Variants in SNX25 observed in about 807,000 individuals in gnomAD.
SNX25 encodes sorting nexin 25, also known as sorting nexin-25.
A neutral mutation model predicts 113.7 loss-of-function variants in SNX25; 62 were observed. The observed-to-expected ratio is 0.55, with a 90% CI of 0.44 to 0.67. The LOEUF (loss-of-function observed/expected upper bound fraction) is 0.67, where lower values mean the gene tolerates loss of function less well. Ranked by LOEUF, SNX25 falls within the 30% of genes least tolerant of loss-of-function variation. SNX25 has a pLI of 0.00. For missense variants in SNX25, 1,014 were observed against 1,161.0 expected (o/e 0.87, Z 1.84); for synonymous variants, 421 against 436.2 (o/e 0.97, Z 0.43).
chr4:185,353,618 A>G lies in SNX25; in HGVS notation c.2584+16A>G. The G allele has an allele frequency of 6.3e-7, 1 of 1,585,608 alleles. No individual in the cohort carries two copies. The highest frequency in any genetic ancestry group is 8.7e-7 in the Non-Finnish European group (1 of 1,154,044). ...CTTCGAGGAAGTAAGCTTCTTTGTTATTATTTAGTGGTATTTGCTAGTTAA... is the reference window on the plus strand; with the variant it reads ...CTTCGAGGAAGTAAGCTTCTTTGTTGTTATTTAGTGGTATTTGCTAGTTAA... On this transcript the variant is annotated intron_variant, in intron 15 of 18. Transcript: ENST00000652585.
At chr4:185,370,299 C>T (rs1016129005), downstream of SNX25, 3 of 184,790 alleles carry the variant, frequency 1.6e-5, no homozygotes, top group East Asian at 3.8e-4. Context: ...AACTTCATTA[C>T]TGTACTAGAA....
chr4:185,366,941 C>T, downstream of SNX25: 1 of 400,714 alleles, frequency 2.5e-6, no homozygotes. Flanking sequence ...ATGGTCTCGG[C>T]CAGTCTGTAG....
chr4:185,226,669 T>G (rs1741048023), intron 1 of SNX25, among the ~76,000 whole-genome samples: 2 of 152,194 alleles, frequency 1.3e-5, no homozygotes, highest in South Asian at 4.1e-4. Context: ...CGGGCTGGTC[T>G]TGAACTCCTG....
rs1194377174 is a variant in SNX25 at position 185,351,745 on chromosome 4, T to C, written c.2466+136T>C. 1.1e-5 allele frequency: 10 copies of C among 912,834 alleles called. No homozygotes were observed. The East Asian group carries it at 2.1e-4, about 19-fold the overall frequency. The allele number at this position is 912,834 out of a possible 1,614,324, so 56.5% of individuals were successfully genotyped here. On this transcript the variant is annotated intron_variant, in intron 14 of 18. Coordinates refer to ENST00000652585, the MANE Select transcript of SNX25 (RefSeq NM_001378034.2). ...ACATTTTGAGGCACCTGCTTGTATT[T>C]CTGTATCTTAATTCTTCCAAGTGAC...
At chr4:185,215,806 T>G (rs77257485) in intron 1 of SNX25, among the ~76,000 whole-genome samples, 1 of 152,038 alleles carries the variant, frequency 6.6e-6, no homozygotes, top group African/African-American at 2.4e-5. Context: ...TTTTTTTTTT[T>G]TGATACAGGA....
At chr4:185,222,208 C>T (rs72706099) in intron 1 of SNX25, among the ~76,000 whole-genome samples, 19,078 of 150,818 alleles carry the variant, frequency 0.13, 1,339 homozygotes, top group African/African-American at 0.16. Flanking sequence ...TATAACCCTC[C>T]TTCATGGCAG....
intron 6 of SNX25, among the ~76,000 whole-genome samples, chr4:185,295,200 A>T (rs1165837497): frequency 1.3e-5 from 2 of 152,200 alleles, no homozygotes; most frequent in Non-Finnish European, 1.5e-5. Flanking sequence ...TGATCTAGTG[A>T]AAATCAGACA....
Position 185,363,555 on chromosome 4 carries a change from C to T in SNX25, c.*90C>T, listed in dbSNP as rs1268671351. On this transcript the variant is annotated 3_prime_UTR_variant, in exon 19 of 19. Transcript: ENST00000652585. This position sits in a 1 kb window ranked among gnomAD's most constrained non-coding sequence, Gnocchi z 4.2. ...TTCCACAGAGGGCTTAACTGAGAACCGTATTGATTTTTATTTTAGTTACCT... is the reference window on the plus strand; with the variant it reads ...TTCCACAGAGGGCTTAACTGAGAACTGTATTGATTTTTATTTTAGTTACCT... The T allele has an allele frequency of 1.1e-5, 14 of 1,222,274 alleles. No individual in the cohort carries two copies. The highest frequency in any genetic ancestry group is 1.9e-5 in the Admixed American group (1 of 52,012). The allele number at this position is 1,222,274 out of a possible 1,614,324, so 75.7% of individuals were successfully genotyped here. A position where few individuals can be genotyped will look rare whatever the true frequency, so the allele number is the denominator to read the frequency against.
intron 2 of SNX25, among the ~76,000 whole-genome samples, chr4:185,254,935 T>C (rs1746191434): frequency 6.6e-6 from 1 of 152,160 alleles, no homozygotes; most frequent in African/African-American, 2.4e-5. Flanking sequence ...TATTTCTTTT[T>C]TTTTTCTTTA....
chr4:185,290,804 T>G (rs1752061850), intron 6 of SNX25, among the ~76,000 whole-genome samples: 1 of 150,372 alleles, frequency 6.7e-6, no homozygotes, highest in African/African-American at 2.5e-5. Flanking sequence ...GAGAATTTAT[T>G]CAAGTGCGGA....
intron 1 of SNX25, among the ~76,000 whole-genome samples, chr4:185,218,962 G>C (rs535981031): frequency 6.6e-6 from 1 of 152,142 alleles, no homozygotes; most frequent in South Asian, 2.1e-4. Context: ...TTCTTGCTCT[G>C]CCACCCCATC....
chr4:185,258,404 T>C (rs1746755581), intron 2 of SNX25, among the ~76,000 whole-genome samples: 1 of 152,198 alleles, frequency 6.6e-6, no homozygotes, highest in Admixed American at 6.5e-5. Context: ...CATGTGCTAC[T>C]GACAGACTTA....
rs757881634 is a variant in SNX25, at chr4:185,362,029, G to T, written c.2757G>T (p.Pro919=). The T allele has an allele frequency of 6.2e-7, 1 of 1,613,930 alleles. No individual in the cohort carries two copies. The highest frequency in any genetic ancestry group is 1.7e-5 in the Admixed American group (1 of 59,996). ...GGCCAAATGGGAAGTTGGCACCACC[G>T]ACCACAATCAGAAGCAAAGAGCAAA... ...AFWPNGKLAP[P]TTIRSKEQSQ... Residue 919 remains proline (P), a synonymous_variant, in exon 17 of 19, where the codon CCG becomes CCT. Coordinates refer to ENST00000652585, the MANE Select transcript of SNX25 (RefSeq NM_001378034.2).
At chr4:185,340,660 C>A (rs1285497982) in intron 11 of SNX25, among the ~76,000 whole-genome samples, 1 of 152,122 alleles carries the variant, frequency 6.6e-6, no homozygotes, top group Non-Finnish European at 1.5e-5. Flanking sequence ...AATTCTGTTA[C>A]CTCCTCAGTT....
At chr4:185,223,623 T>C (rs1049097082) in intron 1 of SNX25, among the ~76,000 whole-genome samples, 2 of 151,516 alleles carry the variant, frequency 1.3e-5, no homozygotes, top group East Asian at 2.0e-4. Context: ...TACTAAAAAA[T>C]ACAAAAAATT....
chr4:185,346,154 C>T (rs540908109), intron 12 of SNX25, among the ~76,000 whole-genome samples: 7 of 152,306 alleles, frequency 4.6e-5, no homozygotes, highest in African/African-American at 1.2e-4. Flanking sequence ...CCACCACGCC[C>T]GGCCATTTTC....
At position 185,243,867 on chromosome 4, in the gene SNX25, T is replaced by G. The variant is rs531627922; in HGVS notation, c.430-3427T>G. On this transcript the variant is annotated intron_variant, in intron 1 of 18. Coordinates refer to ENST00000652585, the MANE Select transcript of SNX25 (RefSeq NM_001378034.2). The stretch of plus-strand genomic sequence containing the variant: ...AAAAATAAGAATAAAAAATTAAAAG[T>G]TTTGAAGGAAGTTATAAAGATAGAC... Among the ~76,000 whole-genome samples, 6 of 152,202 alleles carry G rather than the reference T, an allele frequency of 3.9e-5. No individual in the cohort carries two copies. The South Asian group carries it at 1.0e-3, about 26-fold the overall frequency.
At chr4:185,241,233 C>G (rs970839642) in intron 1 of SNX25, among the ~76,000 whole-genome samples, 40 of 152,314 alleles carry the variant, frequency 2.6e-4, no homozygotes, top group African/African-American at 4.1e-4. Flanking sequence ...CCCAGCACCT[C>G]AGGAGGCCGA....
chr4:185,343,176 C>T (rs2095269024), intron 12 of SNX25, among the ~76,000 whole-genome samples: 1 of 152,170 alleles, frequency 6.6e-6, no homozygotes, highest in South Asian at 2.1e-4. Flanking sequence ...TAGATGTGAG[C>T]CACCTTGCCC....
Sources: allele counts gnomAD v4.1 joint callset (sites outside exome capture counted in the v4.1 genomes callset), GRCh38; gene constraint gnomAD v4.1.1; non-coding constraint Gnocchi (gnomAD v3.1); transcripts MANE v1.5; gene names NCBI Gene and HGNC (gene_info 2026-07-23, HGNC 2026-07-21).